The following PTPRD variants were observed in gnomAD, a reference collection of about 807,000 sequenced individuals.
The protein encoded by PTPRD is protein tyrosine phosphatase receptor type D, also known as receptor-type tyrosine-protein phosphatase delta.
Under a neutral mutation model 214.5 loss-of-function variants are expected in PTPRD, and 34 were observed. That is an observed-to-expected ratio of 0.16 (90% CI 0.12 to 0.21). The LOEUF (loss-of-function observed/expected upper bound fraction) is 0.21. Among genes scored for constraint, PTPRD ranks in the 10% least tolerant of loss-of-function variants. The pLI is 1.00. For missense variants in PTPRD, 2,545 were observed against 2,398.7 expected (o/e 1.06, Z -1.27); for synonymous variants, 1,128 against 845.7 (o/e 1.33, Z -5.79).
At chr9:9,792,554 G>A (rs538296161) in intron 5 of PTPRD, among the ~76,000 whole-genome samples, 12 of 152,234 alleles carry the variant, frequency 7.9e-5, no homozygotes, top group Non-Finnish European at 1.3e-4. Flanking sequence ...AACAATTTTA[G>A]GAGATAAATT....
At chr9:10,059,755 T>C (rs1323141647) in intron 3 of PTPRD, among the ~76,000 whole-genome samples, 1 of 150,812 alleles carries the variant, frequency 6.6e-6, no homozygotes, top group African/African-American at 2.4e-5. Context: ...TCTTATTGGT[T>C]GAGAACAATA....
chr9:9,995,975 TTC>T (rs1234104583), intron 4 of PTPRD, among the ~76,000 whole-genome samples: 1 of 152,180 alleles, frequency 6.6e-6, no homozygotes, highest in African/African-American at 2.4e-5. Flanking sequence ...TTGTATAAAT[TTC>T]TTTTTTCTTT....
At chr9:10,310,237 T>A (rs1457545705) in intron 3 of PTPRD, among the ~76,000 whole-genome samples, 1 of 152,072 alleles carries the variant, frequency 6.6e-6, no homozygotes. Flanking sequence ...TGAGGAGAAA[T>A]GTATGTAGCA....
chr9:9,054,215 T>C lies in PTPRD; in HGVS notation c.-142-35480A>G, dbSNP rs538518749. 9.2e-5 allele frequency among the ~76,000 whole-genome samples: 14 copies of C among 152,288 alleles called. 1 individual carries two copies. In the South Asian group the frequency reaches 2.1e-3, roughly 23 times the overall value. ...CATCTCAATTTTACATAGTGCAAAA[T>C]TGGGACTCAGAATAGTTAAATCACA... On this transcript the variant is annotated intron_variant, in intron 10 of 45. Coordinates refer to ENST00000381196, the MANE Select transcript of PTPRD (RefSeq NM_002839.4).
rs371264536 is a variant in PTPRD at position 9,152,173 on chromosome 9, T to C, written c.-143+31131A>G. Reference sequence around the variant, plus strand: ...CACATTTGCATGCACTGGCTAATACTAACTAGCTCCATGTCTAATCCTTTA... The same window carrying C: ...CACATTTGCATGCACTGGCTAATACCAACTAGCTCCATGTCTAATCCTTTA... On this transcript the variant is annotated intron_variant, in intron 10 of 45. Transcript: ENST00000381196. Among the ~76,000 whole-genome samples, 79 of 152,308 alleles carry C rather than the reference T, an allele frequency of 5.2e-4. 1 individual carries two copies. The highest frequency in any genetic ancestry group is 1.9e-3 in the African/African-American group (77 of 41,578).
chr9:9,316,468 A>G (rs1186976206), intron 9 of PTPRD, among the ~76,000 whole-genome samples: 3 of 152,150 alleles, frequency 2.0e-5, no homozygotes, highest in African/African-American at 7.2e-5. Context: ...GGTAATCTAT[A>G]GATAAGTCAA....
chr9:9,699,428 A>T (rs1334270293), intron 7 of PTPRD, among the ~76,000 whole-genome samples: 1 of 152,150 alleles, frequency 6.6e-6, no homozygotes, highest in Non-Finnish European at 1.5e-5. Context: ...CCCCCTTAGG[A>T]ATGAAATGCC....
chr9:9,957,217 C>A (rs1375760710), intron 4 of PTPRD, among the ~76,000 whole-genome samples: 1 of 152,122 alleles, frequency 6.6e-6, no homozygotes, highest in African/African-American at 2.4e-5. Context: ...TCCATGGGAA[C>A]ATTAACAGAG....
intron 4 of PTPRD, among the ~76,000 whole-genome samples, chr9:9,998,129 A>AAAATATATATAT (rs57991748): frequency 0.019 from 1,692 of 91,302 alleles, 23 homozygotes; most frequent in Middle Eastern, 0.031. Flanking sequence ...AAAAAAAAAA[A>AAAATATATATAT]ATATATATAT....
chr9:9,854,241 C>T (rs779105183), intron 5 of PTPRD, among the ~76,000 whole-genome samples: 10 of 152,034 alleles, frequency 6.6e-5, no homozygotes, highest in Non-Finnish European at 1.5e-4. Context: ...TGAGATGATA[C>T]AATTAATTAT....
chr9:9,897,841 G>C (rs1566100919), intron 5 of PTPRD, among the ~76,000 whole-genome samples: 1 of 151,988 alleles, frequency 6.6e-6, no homozygotes, highest in South Asian at 2.1e-4. Context: ...ATTCAGCATT[G>C]GTAAGCTTTC....
At chr9:8,831,305 G>A (rs1332052794) in intron 11 of PTPRD, among the ~76,000 whole-genome samples, 1 of 152,166 alleles carries the variant, frequency 6.6e-6, no homozygotes, top group Non-Finnish European at 1.5e-5. Context: ...AGAATGTCAA[G>A]AAATGTTTAA....
At chr9:9,903,642 A>G (rs1566151056) in intron 5 of PTPRD, among the ~76,000 whole-genome samples, 1 of 152,112 alleles carries the variant, frequency 6.6e-6, no homozygotes, top group South Asian at 2.1e-4. Context: ...ATAAGATATA[A>G]TTAAACAAAT....
At chr9:8,844,644 T>C (rs1205352345) in intron 11 of PTPRD, among the ~76,000 whole-genome samples, 1 of 152,190 alleles carries the variant, frequency 6.6e-6, no homozygotes, top group East Asian at 1.9e-4. Flanking sequence ...TATGATTTAA[T>C]AGCTGCCACA....
At chr9:9,481,864 C>T (rs1057073769) in intron 8 of PTPRD, among the ~76,000 whole-genome samples, 2 of 152,100 alleles carry the variant, frequency 1.3e-5, no homozygotes, top group Non-Finnish European at 2.9e-5. Flanking sequence ...TAAAGAAATA[C>T]TTTTGATCAT....
intron 35 of PTPRD, among the ~76,000 whole-genome samples, chr9:8,430,321 G>T (rs1390153280): frequency 6.6e-6 from 1 of 151,590 alleles, no homozygotes; most frequent in Non-Finnish European, 1.5e-5. Flanking sequence ...CCAGGCTGCA[G>T]TGCAGTGACA....
intron 5 of PTPRD, among the ~76,000 whole-genome samples, chr9:9,806,240 T>C (rs2099072257): frequency 6.6e-6 from 1 of 151,726 alleles, no homozygotes; most frequent in Admixed American, 6.6e-5. Context: ...TATCACACTG[T>C]CTCTCTAAAA....
chr9:9,068,869 C>CG (rs1433670679), intron 10 of PTPRD, among the ~76,000 whole-genome samples: 2 of 152,046 alleles, frequency 1.3e-5, no homozygotes, highest in Non-Finnish European at 2.9e-5. Context: ...CTTGACCCCC[C>CG]AAAGTATTTG....
intron 14 of PTPRD, among the ~76,000 whole-genome samples, chr9:8,556,559 T>C (rs1200964056): frequency 6.6e-6 from 1 of 152,206 alleles, no homozygotes; most frequent in Non-Finnish European, 1.5e-5. Context: ...GTGTATTTTA[T>C]ATTTCTTTAT....
Sources: gnomAD v4.1 joint callset for allele counts (sites outside exome capture counted in the v4.1 genomes callset) on GRCh38, gnomAD v4.1.1 for gene constraint, MANE v1.5 for transcripts, NCBI Gene and HGNC (gene_info 2026-07-23, HGNC 2026-07-21) for gene names.